Variants in ADGRL3 observed in about 807,000 individuals in gnomAD.
ADGRL3 encodes the protein calcium-independent alpha-latrotoxin receptor 3.
Under a neutral mutation model 153.5 loss-of-function variants are expected in ADGRL3, and 62 were observed. The ratio of observed to expected loss-of-function variants is 0.40; its 90% CI spans 0.33 to 0.50. The LOEUF is 0.50. Among genes scored for constraint, ADGRL3 ranks in the 20% least tolerant of loss-of-function variants. The pLI is 0.47. For synonymous variants in ADGRL3, 710 were observed against 672.5 expected, an observed-to-expected ratio of 1.06 and a Z score of -0.86; for missense variants, 1,641 against 1,859.4, an observed-to-expected ratio of 0.88 and a Z score of 2.16.
intron 4 of ADGRL3, among the ~76,000 whole-genome samples, chr4:61,530,985 T>G (rs1366180733): frequency 6.6e-6 from 1 of 152,112 alleles, no homozygotes; most frequent in African/African-American, 2.4e-5. Context: ...TTTGCCAGAG[T>G]TCTTAATATA....
intron 8 of ADGRL3, among the ~76,000 whole-genome samples, chr4:61,749,302 C>T (rs1406547722): frequency 1.3e-5 from 2 of 151,838 alleles, no homozygotes; most frequent in Non-Finnish European, 2.9e-5. Flanking sequence ...GTCAGTGTGG[C>T]GATTCCTCAG....
intron 21 of ADGRL3, among the ~76,000 whole-genome samples, chr4:62,011,420 C>T (rs1291952981): frequency 6.6e-6 from 1 of 151,834 alleles, no homozygotes; most frequent in Non-Finnish European, 1.5e-5. Flanking sequence ...CCTTTTTATT[C>T]AGATTATTGT....
At chr4:61,664,660 TA>T (rs1220783650) in intron 5 of ADGRL3, among the ~76,000 whole-genome samples, 2 of 152,214 alleles carry the variant, frequency 1.3e-5, no homozygotes. Context: ...GACTATACAC[TA>T]AAATGCCTCA....
At chr4:61,740,883 A>T (rs2151912123) in intron 8 of ADGRL3, among the ~76,000 whole-genome samples, 1 of 152,332 alleles carries the variant, frequency 6.6e-6, no homozygotes. Context: ...AACCATTCTT[A>T]TGTACGCTAA....
intron 8 of ADGRL3, among the ~76,000 whole-genome samples, chr4:61,763,770 A>T (rs956400154): frequency 3.9e-5 from 6 of 152,196 alleles, no homozygotes; most frequent in African/African-American, 1.4e-4. Context: ...ATAATTTAGC[A>T]TAATTCTAAG....
chr4:61,703,012 C>A (rs747378614), intron 6 of ADGRL3, among the ~76,000 whole-genome samples: 1 of 152,104 alleles, frequency 6.6e-6, no homozygotes, highest in Non-Finnish European at 1.5e-5. Context: ...TTCAGTATCA[C>A]TGTGATGTTT....
rs777412679 is a variant in ADGRL3 at position 61,676,950 on chromosome 4, A to G, written c.583+15A>G. On this transcript the variant is annotated intron_variant, in intron 6 of 26. Transcript: ENST00000683033. Reference sequence around the variant, plus strand: ...TGTCCCTTACAGTATGTATATTCCTATACTTTTCTTGGCAAGAGAAAAGAT... The same window carrying G: ...TGTCCCTTACAGTATGTATATTCCTGTACTTTTCTTGGCAAGAGAAAAGAT... 1 of 1,506,794 alleles carries G rather than the reference A, an allele frequency of 6.6e-7. No homozygotes were observed. The highest frequency in any genetic ancestry group is 2.3e-5 in the East Asian group (1 of 44,298). The allele number at this position is 1,506,794 out of a possible 1,614,324, so 93.3% of individuals were successfully genotyped here.
chr4:61,382,764 A>C (rs2096685902), intron 1 of ADGRL3, among the ~76,000 whole-genome samples: 1 of 151,888 alleles, frequency 6.6e-6, no homozygotes, highest in African/African-American at 2.4e-5. Context: ...AAGACTAATC[A>C]ATCCCAGTAT....
intron 1 of ADGRL3, among the ~76,000 whole-genome samples, chr4:61,242,855 G>A (rs1755558172): frequency 6.6e-6 from 1 of 151,960 alleles, no homozygotes; most frequent in Admixed American, 6.6e-5. Context: ...TAACATTAAG[G>A]AATATATTAA....
intron 9 of ADGRL3, among the ~76,000 whole-genome samples, chr4:61,858,491 C>T (rs11131345): frequency 0.53 from 80,207 of 151,912 alleles, 24,214 homozygotes; most frequent in Non-Finnish European, 0.7. Flanking sequence ...CGTAGTGGCG[C>T]GTGCATGCAA....
At chr4:61,949,706 A>AG (rs2150335252) in intron 17 of ADGRL3, among the ~76,000 whole-genome samples, 1 of 152,308 alleles carries the variant, frequency 6.6e-6, no homozygotes, top group South Asian at 2.1e-4. Context: ...AATAAAAAAA[A>AG]AAATCTTAAA....
intron 4 of ADGRL3, among the ~76,000 whole-genome samples, chr4:61,521,868 C>G (rs528695811): frequency 6.6e-6 from 1 of 151,528 alleles, no homozygotes; most frequent in Admixed American, 6.6e-5. Context: ...AATTTAAGGA[C>G]ACATAACTTA....
chr4:61,709,389 C>T (rs1023304283), intron 6 of ADGRL3, among the ~76,000 whole-genome samples: 4 of 152,064 alleles, frequency 2.6e-5, no homozygotes, highest in African/African-American at 9.7e-5. Context: ...GAAGCAAGTA[C>T]TGTGTTTTCC....
intron 3 of ADGRL3, among the ~76,000 whole-genome samples, chr4:61,505,761 A>T (rs1303088449): frequency 6.6e-6 from 1 of 151,996 alleles, no homozygotes. Flanking sequence ...ATAGCTTTGC[A>T]TCTCTCTATC....
chr4:61,305,050 TG>T (rs2094722861), intron 1 of ADGRL3, among the ~76,000 whole-genome samples: 1 of 152,356 alleles, frequency 6.6e-6, no homozygotes, highest in South Asian at 2.1e-4. Flanking sequence ...AAGAGAAGAC[TG>T]TTTTATTCAA....
At chr4:61,720,360 T>A (rs1053548381) in intron 6 of ADGRL3, among the ~76,000 whole-genome samples, 5 of 152,194 alleles carry the variant, frequency 3.3e-5, no homozygotes, top group Admixed American at 2.6e-4. Context: ...AGTGCTAGGA[T>A]TACAGGCGTG....
chr4:61,690,556 C>T (rs925471536), intron 6 of ADGRL3, among the ~76,000 whole-genome samples: 5 of 151,974 alleles, frequency 3.3e-5, no homozygotes, highest in Non-Finnish European at 7.4e-5. Context: ...TATGGTTTTC[C>T]TTGACTTGCT....
At chr4:61,657,823 T>A (rs2150511898) in intron 5 of ADGRL3, among the ~76,000 whole-genome samples, 1 of 152,318 alleles carries the variant, frequency 6.6e-6, no homozygotes, top group South Asian at 2.1e-4. Context: ...AAGTTATTCC[T>A]TTTGACATCA....
chr4:61,803,195 A>T (rs920912153), intron 8 of ADGRL3, among the ~76,000 whole-genome samples: 12 of 151,994 alleles, frequency 7.9e-5, no homozygotes, highest in Admixed American at 2.0e-4. Flanking sequence ...ATTGAGCTTG[A>T]TTTTTCATAC....
Sources: gnomAD v4.1 joint callset for allele counts (sites outside exome capture counted in the v4.1 genomes callset) on GRCh38, gnomAD v4.1.1 for gene constraint, MANE v1.5 for transcripts, NCBI Gene and HGNC (gene_info 2026-07-23, HGNC 2026-07-21) for gene names.